Variants in HSP90AB1 observed in about 807,000 individuals in gnomAD.
The protein encoded by HSP90AB1 is heat shock protein 90 alpha family class B member 1.
A neutral mutation model predicts 67.8 loss-of-function variants in HSP90AB1; 17 were observed. The observed-to-expected ratio is 0.25, with a 90% CI of 0.17 to 0.38. The LOEUF (loss-of-function observed/expected upper bound fraction) is 0.38, where lower values mean the gene tolerates loss of function less well. HSP90AB1 is among the 10% of genes least tolerant of loss of function. The pLI is 1.00. For synonymous variants in HSP90AB1, 390 were observed against 312.9 expected (o/e 1.25, Z -2.60); for missense variants, 690 against 899.9 (o/e 0.77, Z 2.98).
Position 44,252,157 on chromosome 6 carries a change from C to A in HSP90AB1, c.1621C>A (p.Leu541Met). The change falls in exon 10 of 12, where the codon CTG (leucine) becomes ATG (methionine). Residue 541 changes from leucine to methionine, a missense_variant. Physicochemically the swap from Leu to Met is conservative, Grantham distance 15. Coordinates refer to ENST00000371646, the MANE Select transcript of HSP90AB1 (RefSeq NM_007355.4). Reference protein sequence around the residue: ...KSLVSVTKEGLELPEDEEEKK... With the variant: ...KSLVSVTKEGMELPEDEEEKK... ...CCTGGTCTCAGTTACCAAGGAGGGT[C>A]TGGAGCTGCCTGAGGATGAGGAGGA... 3 of 1,614,098 alleles carry A rather than the reference C, an allele frequency of 1.9e-6. No individual in the cohort carries two copies. The highest frequency in any genetic ancestry group is 2.5e-6 in the Non-Finnish European group (3 of 1,180,020).
At chr6:44,246,862 T>C (rs1287304385), upstream of HSP90AB1, among the ~76,000 whole-genome samples, 2 of 152,176 alleles carry the variant, frequency 1.3e-5, no homozygotes, top group African/African-American at 2.4e-5. Context: ...TCCCCGCTCT[T>C]GATGGAGTCA....
chr6:44,250,674 A>C, intron 6 of HSP90AB1, 75 bp downstream of exon 6: 1 of 820,206 alleles, frequency 1.2e-6, no homozygotes, highest in Non-Finnish European at 2.0e-6. Context: ...AGTGTTGGGT[A>C]ATAGACACAC....
chr6:44,253,518 G>T lies in HSP90AB1; in HGVS notation c.2095G>T (p.Glu699Ter). ...GIDEDEVAAE[E>*]PNAAVPDEIP... ...TGATGAAGATGAAGTGGCAGCAGAG[G>T]AACCCAATGCTGCAGTTCCTGATGA... The change falls in exon 12 of 12, where the codon GAA becomes TAA. Residue 699 changes from glutamate to a stop codon, truncating the protein, a stop_gained. Transcript: ENST00000371646. LOFTEE classifies it high-confidence loss of function. 2 of 1,614,102 alleles carry T rather than the reference G, an allele frequency of 1.2e-6. No homozygotes were observed.
upstream of HSP90AB1, chr6:44,246,347 C>G: frequency 6.6e-6 from 1 of 152,448 alleles, no homozygotes; most frequent in Non-Finnish European, 1.5e-5. Context: ...TCGGACAGGT[C>G]AGAGCGGGTC....
Position 44,251,403 on chromosome 6 carries a change from C to G in HSP90AB1, c.1124-15C>G, listed in dbSNP as rs753538726. Reference sequence around the variant, plus strand: ...GCTGTTTTTTACTGAGCTTTCTCACCCTGGTTGATGGCAGATTTTATCCGT... The same window carrying G: ...GCTGTTTTTTACTGAGCTTTCTCACGCTGGTTGATGGCAGATTTTATCCGT... On this transcript the variant is annotated splice_polypyrimidine_tract_variant and intron_variant, in intron 7 of 11. Transcript: ENST00000371646. 7 of 1,596,156 alleles carry G rather than the reference C, an allele frequency of 4.4e-6. No individual in the cohort carries two copies. Among genetic ancestry groups the G allele is most frequent in the African/African-American group, 1.3e-5 (1 of 74,188 alleles).
chr6:44,247,972 C>A (rs1050298220), intron 1 of HSP90AB1: 1 of 152,240 alleles, frequency 6.6e-6, no homozygotes, highest in African/African-American at 2.4e-5. Context: ...GTGGCTACGG[C>A]CACCATCTTT....
At chr6:44,249,051 T>A (rs1244518988) in intron 2 of HSP90AB1, among the ~76,000 whole-genome samples, 1 of 152,214 alleles carries the variant, frequency 6.6e-6, no homozygotes, top group Non-Finnish European at 1.5e-5. Context: ...TCTTTGAAGA[T>A]ACGGGCTTTA....
At position 44,249,396 on chromosome 6, in the gene HSP90AB1, A is replaced by T; in HGVS notation, c.167A>T (p.Tyr56Phe). 1 of 1,613,896 alleles carries T rather than the reference A, an allele frequency of 6.2e-7. No individual in the cohort carries two copies. The highest frequency in any genetic ancestry group is 8.5e-7 in the Non-Finnish European group (1 of 1,179,764). ...NASDALDKIR[Y>F]ESLTDPSKLD... ...TTCCAGGCCTTGGACAAGATTCGCT[A>T]TGAGAGCCTGACAGACCCTTCGAAG... The change falls in exon 3 of 12, where the codon TAT becomes TTT. Residue 56 changes from tyrosine (Y) to phenylalanine (F), a missense_variant. By Grantham distance (22) the Tyr-to-Phe change is conservative. This residue lies in a region of HSP90AB1 where 88 missense variants were observed against 167.7 expected (regional missense o/e 0.52). Transcript: ENST00000371646.
chr6:44,253,429 C>T, intron 11 of HSP90AB1, 51 bp downstream of exon 11: 2 of 1,603,584 alleles, frequency 1.2e-6, no homozygotes, highest in Non-Finnish European at 8.5e-7. Context: ...AACTCGTCTC[C>T]TCTATGGATT....
Position 44,248,764 on chromosome 6 carries a change from T to C in HSP90AB1, c.135T>C (p.Ser45=). The C allele has an allele frequency of 6.2e-7, 1 of 1,613,350 alleles. No individual in the cohort carries two copies. Among genetic ancestry groups the C allele is most frequent in the Admixed American group, 1.7e-5 (1 of 59,930 alleles). Residue 45 remains serine, a synonymous_variant, in exon 2 of 12, where the codon TCT becomes TCC. Transcript: ENST00000371646. Reference sequence around the variant, plus strand: ...AGATTTTCCTTCGGGAGTTGATCTCTAATGCTTCTGATGTAGGTGCTCTGG... The same window carrying C: ...AGATTTTCCTTCGGGAGTTGATCTCCAATGCTTCTGATGTAGGTGCTCTGG... ...NKEIFLRELI[S]NASDALDKIR...
At chr6:44,250,201 T>C (rs1191272717) in intron 5 of HSP90AB1, 47 bp downstream of exon 5, 3 of 1,613,314 alleles carry the variant, frequency 1.9e-6, no homozygotes, top group Non-Finnish European at 2.5e-6. Flanking sequence ...GCAGGATGTT[T>C]CCTGTTCTGG....
intron 5 of HSP90AB1, 61 bp downstream of exon 5, chr6:44,250,215 A>G (rs1293559313): frequency 3.7e-6 from 6 of 1,611,542 alleles, no homozygotes; most frequent in Non-Finnish European, 5.1e-6. Flanking sequence ...GTTCTGGAGA[A>G]TCTCATTGTC....
chr6:44,251,357 C>A, intron 7 of HSP90AB1, 61 bp from the exon 8 acceptor site: 1 of 1,551,252 alleles, frequency 6.4e-7, no homozygotes. Flanking sequence ...CTGTTTGAAT[C>A]TGGGGACCAG....
chr6:44,253,860 T>TAAAG lies in HSP90AB1; in HGVS notation c.*265_*268dup, dbSNP rs762438280. 2.8e-6 allele frequency: 2 copies of TAAAG among 711,436 alleles called. No individual in the cohort carries two copies. Among genetic ancestry groups the TAAAG allele is most frequent in the South Asian group, 2.7e-5 (2 of 72,964 alleles). The allele number at this position is 711,436 out of a possible 1,614,324, so 44.1% of individuals were successfully genotyped here. On this transcript the variant is annotated 3_prime_UTR_variant, in exon 12 of 12. Coordinates refer to ENST00000371646, the MANE Select transcript of HSP90AB1 (RefSeq NM_007355.4). The stretch of plus-strand genomic sequence containing the variant: ...TGTTCTGAAATTAAAGTATGCAAAA[T>TAAAG]AAAGAATATGCCGTTTTTATACAGT...
chr6:44,250,647 A>C (rs1300589170), intron 6 of HSP90AB1, 48 bp downstream of exon 6: 1 of 1,052,892 alleles, frequency 9.5e-7, no homozygotes, highest in Non-Finnish European at 1.5e-6. Context: ...TATGGAGAGG[A>C]ATGAGTTAGG....
chr6:44,247,080 G>C (rs891944769), upstream of HSP90AB1: 8 of 152,188 alleles, frequency 5.3e-5, no homozygotes, highest in African/African-American at 1.9e-4. Flanking sequence ...TATATAGGGC[G>C]ACTTGGGGCA....
At position 44,250,417 on chromosome 6, in the gene HSP90AB1, G is replaced by A; in HGVS notation, c.775G>A (p.Asp259Asn). 1 of 1,613,768 alleles carries A rather than the reference G, an allele frequency of 6.2e-7. No individual in the cohort carries two copies. The highest frequency in any genetic ancestry group is 8.5e-7 in the Non-Finnish European group (1 of 1,179,752). ...KIEDVGSDEE[D>N]DSGKDKKKKT... ...CGAAGATGTGGGTTCAGATGAGGAG[G>A]ATGACAGCGGTAAGGATAAGAAGAA... The change falls in exon 6 of 12, where the codon GAT becomes AAT. Residue 259 changes from aspartate to asparagine, a missense_variant. This residue lies in a region of HSP90AB1 where 146 missense variants were observed against 143.7 expected (regional missense o/e 1.02). Coordinates refer to ENST00000371646, the MANE Select transcript of HSP90AB1 (RefSeq NM_007355.4).
rs750136649 is a variant in HSP90AB1 at position 44,253,074 on chromosome 6, A to C, written c.1761A>C (p.Ser587=). 2 of 1,613,982 alleles carry C rather than the reference A, an allele frequency of 1.2e-6. No individual in the cohort carries two copies. Among genetic ancestry groups the C allele is most frequent in the Non-Finnish European group, 1.7e-6 (2 of 1,179,898 alleles). ...KVTISNRLVS[S]PCCIVTSTYG... is the part of the protein sequence containing the mutation. The stretch of plus-strand genomic sequence containing the variant: ...CAATCTCCAATAGACTTGTGTCTTC[A>C]CCTTGCTGCATTGTGACCAGCACCT... Residue 587 remains serine (S), a synonymous_variant, in exon 11 of 12, where the codon TCA becomes TCC. Coordinates refer to ENST00000371646, the MANE Select transcript of HSP90AB1 (RefSeq NM_007355.4).
At chr6:44,252,400 TCTCTA>T (rs1288233250) in intron 10 of HSP90AB1, 133 bp downstream of exon 10, 2 of 793,060 alleles carry the variant, frequency 2.5e-6, no homozygotes, top group South Asian at 1.8e-5. Flanking sequence ...CTTGTTCTCT[TCTCTA>T]GTCAGGTTTA....
Sources: gnomAD v4.1 joint callset for allele counts (sites outside exome capture counted in the v4.1 genomes callset) on GRCh38, gnomAD v4.1.1 for gene constraint, gnomAD v4.1.1 regional missense constraint, MANE v1.5 for transcripts, NCBI Gene and HGNC (gene_info 2026-07-23, HGNC 2026-07-21) for gene names.